The following CDHR4 variants were observed in gnomAD, a reference collection of about 807,000 sequenced individuals.
The protein encoded by CDHR4 is cadherin-related family member 4.
A neutral mutation model predicts 88.4 loss-of-function variants in CDHR4; 89 were observed. The ratio of observed to expected loss-of-function variants is 1.01; its 90% CI spans 0.85 to 1.20. The LOEUF is 1.20. Among genes scored for constraint, CDHR4 ranks in the 50% most tolerant of loss-of-function variants. The pLI, the probability that CDHR4 is intolerant of heterozygous loss-of-function variation, is 0.00. For synonymous variants in CDHR4, 368 were observed against 399.2 expected (o/e 0.92, Z 0.93); for missense variants, 914 against 1,007.2 (o/e 0.91, Z 1.25).
Position 49,799,172 on chromosome 3 carries a change from A to G in CDHR4, c.241-16T>C. 1.3e-6 allele frequency: 2 copies of G among 1,589,716 alleles called. No individual in the cohort carries two copies. The highest frequency in any genetic ancestry group is 1.7e-6 in the Non-Finnish European group (2 of 1,167,664). On this transcript the variant is annotated splice_polypyrimidine_tract_variant and intron_variant, in intron 2 of 18. Coordinates refer to ENST00000412678, the MANE Select transcript of CDHR4 (RefSeq NM_001007540.4). ...TCAAGGTCAACTGGGGTGGGTGGACAGTGCCATGTGGGGCTTGGAAATTTT... is the reference window on the plus strand; with the variant it reads ...TCAAGGTCAACTGGGGTGGGTGGACGGTGCCATGTGGGGCTTGGAAATTTT...
At position 49,790,745 on chromosome 3, in the gene CDHR4, A is replaced by T; in HGVS notation, c.*87T>A. The stretch of plus-strand genomic sequence containing the variant: ...CAAGGCTAGAACTTTTCTTTTTGTA[A>T]TTTTGTTTATTATGAATCAACTTGA... On this transcript the variant is annotated 3_prime_UTR_variant, in exon 19 of 19. Coordinates refer to ENST00000412678, the MANE Select transcript of CDHR4 (RefSeq NM_001007540.4). The T allele has an allele frequency of 1.6e-6, 2 of 1,222,392 alleles. No homozygotes were observed. Among genetic ancestry groups the T allele is most frequent in the Admixed American group, 2.7e-5 (1 of 37,034 alleles). 75.7% of individuals were successfully genotyped at this position (1,222,392 alleles called of 1,614,324 possible).
chr3:49,797,908 C>CTTTT (rs34937740), intron 4 of CDHR4, among the ~76,000 whole-genome samples: 2 of 131,162 alleles, frequency 1.5e-5, no homozygotes, highest in Non-Finnish European at 3.2e-5. Flanking sequence ...TTTTTAAATA[C>CTTTT]TTTTTTTTTT....
Position 49,799,380 on chromosome 3 carries a change from A to G in CDHR4, c.107T>C (p.Val36Ala). ...NVSESQGPGT[V>A]LQFLSFNCSS... ...GCAGTTGAAGGATAAAAACTGAAGG[A>G]CTGTGCCAGGGCCCTGGCTCTCAGA... Residue 36 changes from valine (V) to alanine (A), a missense_variant, in exon 2 of 19, where the codon GTC (valine) becomes GCC (alanine). Val to Ala is a moderately conservative substitution (Grantham distance 64). Transcript: ENST00000412678. 6.2e-7 allele frequency: 1 copy of G among 1,611,544 alleles called. No homozygotes were observed. The highest frequency in any genetic ancestry group is 8.5e-7 in the Non-Finnish European group (1 of 1,178,942).
chr3:49,802,527 T>C (rs984618535), upstream of CDHR4, among the ~76,000 whole-genome samples: 1 of 152,220 alleles, frequency 6.6e-6, no homozygotes, highest in Non-Finnish European at 1.5e-5. Flanking sequence ...TGAGACTGAC[T>C]TTCCCCAAGC....
intron 4 of CDHR4, chr3:49,798,589 A>C (rs80168772): frequency 2.1e-5 from 4 of 192,114 alleles, no homozygotes; most frequent in Non-Finnish European, 4.2e-5. Flanking sequence ...CTCCGTCTCA[A>C]AAAAAAAAAA....
In CDHR4 at chr3:49,794,009, G is replaced by A; in HGVS notation, c.1280-3C>T. 6.4e-7 allele frequency: 1 copy of A among 1,551,222 alleles called. No homozygotes were observed. Reference sequence around the variant, plus strand: ...CATCACCAGTACCGGCACCTCAGCTGGAAGTCATTTGGCAGTCAAGGAGCT... The same window carrying A: ...CATCACCAGTACCGGCACCTCAGCTAGAAGTCATTTGGCAGTCAAGGAGCT... On this transcript the variant is annotated splice_region_variant and splice_polypyrimidine_tract_variant and intron_variant, in intron 10 of 18. Transcript: ENST00000412678.
upstream of CDHR4, among the ~76,000 whole-genome samples, chr3:49,800,341 C>A (rs1575356765): frequency 1.3e-5 from 2 of 151,794 alleles, no homozygotes; most frequent in African/African-American, 4.8e-5. Context: ...GCCTGGGCAA[C>A]AAAGTGAGAC....
In CDHR4 at chr3:49,791,917, A is replaced by T; in HGVS notation, c.2181T>A (p.Ala727=). ...LLQAPSKPAQ[A]LLLNSIQGTE... Reference sequence around the variant, plus strand: ...AGGAGACTGACCTGTTTAGCAGCAAAGCCTGGGCTGGTTTGCTGGGTGCTT... The same window carrying T: ...AGGAGACTGACCTGTTTAGCAGCAATGCCTGGGCTGGTTTGCTGGGTGCTT... The change falls in exon 16 of 19, where the codon GCT becomes GCA. Residue 727 remains alanine, a synonymous_variant. Coordinates refer to ENST00000412678, the MANE Select transcript of CDHR4 (RefSeq NM_001007540.4). The T allele has an allele frequency of 6.4e-7, 1 of 1,551,752 alleles. No homozygotes were observed. The highest frequency in any genetic ancestry group is 1.4e-5 in the African/African-American group (1 of 73,192).
rs772903977 is a variant in CDHR4 at position 49,795,324 on chromosome 3, G to A, written c.903C>T (p.Thr301=). 49 of 1,551,416 alleles carry A rather than the reference G, an allele frequency of 3.2e-5. No individual in the cohort carries two copies. The highest frequency in any genetic ancestry group is 5.5e-5 in the African/African-American group (4 of 73,014). The change falls in exon 8 of 19, where the codon ACC becomes ACT. Residue 301 remains threonine (T), a synonymous_variant. Transcript: ENST00000412678. This position sits in a 1 kb window ranked among gnomAD's most constrained non-coding sequence, Gnocchi z 5.4. ...CCTTCACCTGCAGCCTGGAGACCGC[G>A]GTGCCTGAGGTGCGAGCTAACTCTA... is the stretch of plus-strand genomic sequence containing the variant. ...TPLELARTSG[T]AVSRLQVKAF...
chr3:49,796,906 T>G lies in CDHR4; in HGVS notation c.606+16A>C, dbSNP rs1456587907. 2 of 1,544,712 alleles carry G rather than the reference T, an allele frequency of 1.3e-6. No individual in the cohort carries two copies. Among genetic ancestry groups the G allele is most frequent in the African/African-American group, 1.4e-5 (1 of 72,882 alleles). On this transcript the variant is annotated intron_variant, in intron 5 of 18. Coordinates refer to ENST00000412678, the MANE Select transcript of CDHR4 (RefSeq NM_001007540.4). ...ACCCAATCCATAAACACCCTCAGAT[T>G]CCAGGTCATGCTCACCTTTTGAGCC...
At position 49,793,943 on chromosome 3, in the gene CDHR4, C is replaced by A. The variant is rs763323634; in HGVS notation, c.1343G>T (p.Arg448Leu). Residue 448 changes from arginine (R) to leucine (L), a missense_variant, in exon 11 of 19, where the codon CGC becomes CTC. Physicochemically the swap from Arg to Leu is moderately radical, Grantham distance 102. Coordinates refer to ENST00000412678, the MANE Select transcript of CDHR4 (RefSeq NM_001007540.4). Reference protein sequence around the residue: ...INEFSPACAPRTFRVQEDAAP... With the variant: ...INEFSPACAPLTFRVQEDAAP... ...CGCATCCTCCTGAACCCGGAACGTG[C>A]GAGGGGCACAGGCTGGGGAGAACTC... is the stretch of plus-strand genomic sequence containing the variant. 1.1e-5 allele frequency: 17 copies of A among 1,551,644 alleles called. No homozygotes were observed. The highest frequency in any genetic ancestry group is 1.5e-5 in the Non-Finnish European group (17 of 1,147,010).
rs745597123 is a variant in CDHR4, at chr3:49,798,882, G to A, written c.439C>T (p.Pro147Ser). 6.2e-7 allele frequency: 1 copy of A among 1,613,918 alleles called. No individual in the cohort carries two copies. The highest frequency in any genetic ancestry group is 1.1e-5 in the South Asian group (1 of 91,064). Residue 147 changes from proline to serine, a missense_variant, in exon 4 of 19, where the codon CCT becomes TCT. Coordinates refer to ENST00000412678, the MANE Select transcript of CDHR4 (RefSeq NM_001007540.4). ...EMIQVPETVT[P>S]GARLYTLLLP... ...AGCAGAGTGTACAGCCGAGCCCCAGGTGTGACTGTCTCTGGCACCTGAATC... is the reference window on the plus strand; with the variant it reads ...AGCAGAGTGTACAGCCGAGCCCCAGATGTGACTGTCTCTGGCACCTGAATC...
At position 49,793,314 on chromosome 3, in the gene CDHR4, G is replaced by T; in HGVS notation, c.1624-3C>A. 6.4e-7 allele frequency: 1 copy of T among 1,551,208 alleles called. No individual in the cohort carries two copies. Among genetic ancestry groups the T allele is most frequent in the Non-Finnish European group, 8.7e-7 (1 of 1,146,942 alleles). ...TCGGGGGCATGGTCATTCACATCCT[G>T]CAGAAAGGAACCAGGTTAGGAGTGG... On this transcript the variant is annotated splice_polypyrimidine_tract_variant and splice_region_variant and intron_variant, in intron 12 of 18. Transcript: ENST00000412678.
intron 14 of CDHR4, 48 bp downstream of exon 14, chr3:49,792,806 C>T (rs1328251432): frequency 1.3e-6 from 2 of 1,493,452 alleles, no homozygotes; most frequent in Non-Finnish European, 1.8e-6. Context: ...CCTCACTCTC[C>T]AAGGTCCACC....
At chr3:49,793,478 T>G in intron 12 of CDHR4, 105 bp downstream of exon 12, 1 of 1,483,844 alleles carries the variant, frequency 6.7e-7, no homozygotes, top group Non-Finnish European at 9.0e-7. Flanking sequence ...TCCAGCCAAC[T>G]CGTGGAAGAA....
rs1033898287 is a variant in CDHR4 at position 49,792,622 on chromosome 3, G to T, written c.1996-12C>A. On this transcript the variant is annotated splice_polypyrimidine_tract_variant and intron_variant, in intron 14 of 18. Transcript: ENST00000412678. ...ATCGTTGAGGGCACCTGAAAAGGAG[G>T]CCACAGCCTCACCACTGCCTTGCCA... 3 of 1,551,356 alleles carry T rather than the reference G, an allele frequency of 1.9e-6. No homozygotes were observed. Among genetic ancestry groups the T allele is most frequent in the African/African-American group, 2.7e-5 (2 of 73,016 alleles).
chr3:49,797,100 C>T, intron 4 of CDHR4, 68 bp from the exon 5 acceptor site: 1 of 1,292,750 alleles, frequency 7.7e-7, no homozygotes, highest in Non-Finnish European at 1.1e-6. Context: ...ATCGACAACC[C>T]AGCAGCAACC....
chr3:49,801,725 T>G (rs1382717985), upstream of CDHR4, among the ~76,000 whole-genome samples: 1 of 152,238 alleles, frequency 6.6e-6, no homozygotes, highest in African/African-American at 2.4e-5. Flanking sequence ...CCCACATCCA[T>G]GCATCAGCAA....
At chr3:49,794,794 T>C in intron 9 of CDHR4, 93 bp from the exon 10 acceptor site, 3 of 1,421,884 alleles carry the variant, frequency 2.1e-6, no homozygotes, top group Non-Finnish European at 2.9e-6. Context: ...TCCACAAATA[T>C]CTTGCCTGGA....
Sources: gnomAD v4.1 joint callset for allele counts (sites outside exome capture counted in the v4.1 genomes callset) on GRCh38, gnomAD v4.1.1 for gene constraint, Gnocchi (gnomAD v3.1) non-coding constraint, MANE v1.5 for transcripts, NCBI Gene and HGNC (gene_info 2026-07-23, HGNC 2026-07-21) for gene names.